STRAP: variants seen among roughly 807,000 people sequenced by gnomAD.
STRAP encodes serine-threonine kinase receptor-associated protein.
STRAP carries 16 observed loss-of-function variants against 47.0 expected under a neutral mutation model. The observed-to-expected ratio is 0.34, with a 90% CI of 0.23 to 0.52. The LOEUF is 0.52. Among genes scored for constraint, STRAP ranks in the 20% least tolerant of loss-of-function variants. The pLI is 0.96. For synonymous variants in STRAP, 130 were observed against 142.7 expected, an observed-to-expected ratio of 0.91 and a Z score of 0.63; for missense variants, 293 against 420.0, an observed-to-expected ratio of 0.70 and a Z score of 2.64.
At chr12:15,901,112 G>A in intron 9 of STRAP, 100 bp downstream of exon 9, 1 of 816,256 alleles carries the variant, frequency 1.2e-6, no homozygotes, top group Non-Finnish European at 1.8e-6. Context: ...TATTAAATAT[G>A]AACATATTTA....
chr12:15,897,713 A>ATT lies in STRAP; in HGVS notation c.639-151_639-150dup, dbSNP rs367620027. ...TCCACTTGGGCATAGTATCCATTTG[A>ATT]TTTTTTTTTTTTTTTTTTTGCTAAC... On this transcript the variant is annotated intron_variant, in intron 6 of 9. Transcript: ENST00000419869. Among the ~76,000 whole-genome samples, 83 of 118,674 alleles carry ATT rather than the reference A, an allele frequency of 7.0e-4. 2 individuals are homozygous for ATT. The highest frequency in any genetic ancestry group is 2.4e-3 in the African/African-American group (80 of 32,904). The allele number at this position is 118,674 out of a possible 152,430, so 77.9% of individuals were successfully genotyped here.
Position 15,882,809 on chromosome 12 carries a change from C to T in STRAP, c.102C>T (p.Ser34=). 3 of 1,613,062 alleles carry T rather than the reference C, an allele frequency of 1.9e-6. No individual in the cohort carries two copies. Among genetic ancestry groups the T allele is most frequent in the Non-Finnish European group, 2.5e-6 (3 of 1,179,632 alleles). ...CGCCTTATGGGTATTTCTTAATCAGCGCTTGCAAAGGTGAGCAAGGCCGCA... is the reference window on the plus strand; with the variant it reads ...CGCCTTATGGGTATTTCTTAATCAGTGCTTGCAAAGGTGAGCAAGGCCGCA... The part of the protein sequence containing the change: ...GITPYGYFLI[S]ACKDGKPMLR... The change falls in exon 1 of 10, where the codon AGC becomes AGT. Residue 34 remains serine, a synonymous_variant. Coordinates refer to ENST00000419869, the MANE Select transcript of STRAP (RefSeq NM_007178.4).
In STRAP at chr12:15,882,616, G is replaced by A. The variant is rs1470636243; in HGVS notation, c.-92G>A. 1 of 1,077,416 alleles carries A rather than the reference G, an allele frequency of 9.3e-7. No individual in the cohort carries two copies. Among genetic ancestry groups the A allele is most frequent in the Non-Finnish European group, 1.4e-6 (1 of 731,592 alleles). The allele number at this position is 1,077,416 out of a possible 1,614,324, so 66.7% of individuals were successfully genotyped here. A position where few individuals can be genotyped will look rare whatever the true frequency, so the allele number is the denominator to read the frequency against. The stretch of plus-strand genomic sequence containing the variant: ...AGCCCAGCCCTAGTGTCAGGGCGGG[G>A]GCCTGGAGCAGCCCGAGGCACTGCA... On this transcript the variant is annotated 5_prime_UTR_variant, in exon 1 of 10. Coordinates refer to ENST00000419869, the MANE Select transcript of STRAP (RefSeq NM_007178.4).
chr12:15,900,244 T>A (rs77067755), intron 8 of STRAP, among the ~76,000 whole-genome samples, 191 bp downstream of exon 8: 2 of 152,088 alleles, frequency 1.3e-5, no homozygotes, highest in East Asian at 1.9e-4. Flanking sequence ...AAATTTTTTT[T>A]GGTATGGCTG....
chr12:15,884,660 A>G lies in STRAP; in HGVS notation c.248+984A>G, dbSNP rs562447310. On this transcript the variant is annotated intron_variant, in intron 2 of 9. Coordinates refer to ENST00000419869, the MANE Select transcript of STRAP (RefSeq NM_007178.4). ...CTTGGCCTCCATGCCTCAGCCTCTC[A>G]AAGAGCTGGGGTTACGGGGGTGAAC... 9.1e-4 allele frequency among the ~76,000 whole-genome samples: 138 copies of G among 152,232 alleles called. 2 individuals carry two copies. Among genetic ancestry groups the G allele is most frequent in the Non-Finnish European group, 1.6e-3 (111 of 68,018 alleles).
At chr12:15,901,805 G>A (rs1948105062) in intron 9 of STRAP, among the ~76,000 whole-genome samples, 1 of 148,086 alleles carries the variant, frequency 6.8e-6, no homozygotes, top group Non-Finnish European at 1.5e-5. Context: ...AGGTTGCAGC[G>A]AGCCGAGATT....
rs1591991443 is a variant in STRAP, at chr12:15,903,161, T to C, written c.*183T>C. On this transcript the variant is annotated 3_prime_UTR_variant, in exon 10 of 10. Transcript: ENST00000419869. ...TGTTACCTGTAAGTGAAAACTCAAG[T>C]GTCAGATGAAGGGAGGTGGAGTTAT... is the stretch of plus-strand genomic sequence containing the variant. 1.9e-6 allele frequency: 1 copy of C among 535,962 alleles called. No individual in the cohort carries two copies. Among genetic ancestry groups the C allele is most frequent in the African/African-American group, 2.0e-5 (1 of 51,232 alleles). The allele number at this position is 535,962 out of a possible 1,614,324, so 33.2% of individuals were successfully genotyped here.
At chr12:15,893,288 A>G (rs1251452222) in intron 4 of STRAP, among the ~76,000 whole-genome samples, 2 of 151,756 alleles carry the variant, frequency 1.3e-5, no homozygotes, top group East Asian at 1.9e-4. Flanking sequence ...TTTACTATCA[A>G]TAGCTGCTTG....
intron 4 of STRAP, among the ~76,000 whole-genome samples, chr12:15,891,166 T>C (rs922441627): frequency 2.0e-5 from 3 of 152,122 alleles, no homozygotes; most frequent in African/African-American, 7.2e-5. Context: ...AAAAAATAAG[T>C]TTATTTGCTA....
rs374999740 is a variant in STRAP, at chr12:15,882,950, G to A, written c.112+131G>A. 281 of 1,335,140 alleles carry A rather than the reference G, an allele frequency of 2.1e-4. No homozygotes were observed. The East Asian group carries it at 5.5e-3, about 26-fold the overall frequency. The allele number at this position is 1,335,140 out of a possible 1,614,324, so 82.7% of individuals were successfully genotyped here. ...GGCGATATTAACATCTGAGATGAGA[G>A]CCAACACTGGTCCGGTGGAGAAAGG... On this transcript the variant is annotated intron_variant, in intron 1 of 9. Transcript: ENST00000419869.
Position 15,899,993 on chromosome 12 carries a change from T to C in STRAP, c.865T>C (p.Leu289=), listed in dbSNP as rs1172436165. ...TGCCAGTGGTTCAGAAGATGGAACA[T>C]TGAGACTATGGCAAACTGTGGTAGG... ...LYASGSEDGT[L]RLWQTVVGKT... Residue 289 remains leucine, a synonymous_variant, in exon 8 of 10, where the codon TTG becomes CTG. Coordinates refer to ENST00000419869, the MANE Select transcript of STRAP (RefSeq NM_007178.4). The C allele has an allele frequency of 6.2e-7, 1 of 1,613,796 alleles. No homozygotes were observed. The highest frequency in any genetic ancestry group is 1.3e-5 in the African/African-American group (1 of 74,928).
At chr12:15,892,688 C>T (rs1216029560) in intron 4 of STRAP, among the ~76,000 whole-genome samples, 1 of 152,088 alleles carries the variant, frequency 6.6e-6, no homozygotes, top group Non-Finnish European at 1.5e-5. Flanking sequence ...GGAAACAAAG[C>T]GCATTTGCAG....
At chr12:15,895,331 ACAT>A (rs753003473) in intron 5 of STRAP, 25 bp from the exon 6 acceptor site, 19 of 1,486,336 alleles carry the variant, frequency 1.3e-5, no homozygotes, top group East Asian at 2.5e-5. Context: ...ACATGAGTAA[ACAT>A]CATATTTTTA....
rs186218004 is a variant in STRAP, at chr12:15,885,380, G to A, written c.248+1704G>A. Reference sequence around the variant, plus strand: ...ATTTTTGTATATTTAGTAGAGACGGGGTTTCGCCATGTTGGCCAGGCCGGT... The same window carrying A: ...ATTTTTGTATATTTAGTAGAGACGGAGTTTCGCCATGTTGGCCAGGCCGGT... On this transcript the variant is annotated intron_variant, in intron 2 of 9. Coordinates refer to ENST00000419869, the MANE Select transcript of STRAP (RefSeq NM_007178.4). Among the ~76,000 whole-genome samples, 206 of 151,788 alleles carry A rather than the reference G, an allele frequency of 1.4e-3. 2 individuals carry two copies. The highest frequency in any genetic ancestry group is 2.1e-3 in the Non-Finnish European group (141 of 67,934).
chr12:15,901,868 A>G (rs1948106069), intron 9 of STRAP, among the ~76,000 whole-genome samples: 1 of 151,900 alleles, frequency 6.6e-6, no homozygotes, highest in South Asian at 2.1e-4. Context: ...CTCAAAAAAA[A>G]AAAAAAAAAA....
chr12:15,887,587 C>T lies in STRAP; in HGVS notation c.249-2341C>T, dbSNP rs932087747. On this transcript the variant is annotated intron_variant, in intron 2 of 9. Coordinates refer to ENST00000419869, the MANE Select transcript of STRAP (RefSeq NM_007178.4). This position sits in a 1 kb window ranked among gnomAD's most constrained non-coding sequence, Gnocchi z 5.5. ...TGCCCTGTCAGAAAATGTCATGCCT[C>T]TATTTTAGTACTGTTTCTAAATAGG... is the stretch of plus-strand genomic sequence containing the variant. 6.6e-5 allele frequency among the ~76,000 whole-genome samples: 10 copies of T among 152,192 alleles called. No individual in the cohort carries two copies. The East Asian group carries it at 1.9e-3, about 29-fold the overall frequency.
intron 2 of STRAP, among the ~76,000 whole-genome samples, chr12:15,885,582 G>A (rs11056691): frequency 2.0e-5 from 3 of 147,738 alleles, no homozygotes; most frequent in Non-Finnish European, 4.4e-5. Flanking sequence ...ACCAATTTTA[G>A]AATGAAAAAA....
chr12:15,895,373 C>T lies in STRAP; in HGVS notation c.515C>T (p.Ala172Val), dbSNP rs779238193. The change falls in exon 6 of 10, where the codon GCT (alanine) becomes GTT (valine). Residue 172 changes from alanine to valine, a missense_variant. Around this residue, in one of 5 missense-constraint regions of STRAP, gnomAD observed 152 missense variants for 183.0 expected, o/e 0.83. Transcript: ENST00000419869. ...TTATTTTGCAGACTTTGGGATCATG[C>T]TACTATGACAGAAGTGAAATCTCTA... ...DDKTVRLWDHATMTEVKSLNF... is the reference protein window; with the variant it reads ...DDKTVRLWDHVTMTEVKSLNF... 6.3e-7 allele frequency: 1 copy of T among 1,581,100 alleles called. No homozygotes were observed. Among genetic ancestry groups the T allele is most frequent in the Non-Finnish European group, 8.5e-7 (1 of 1,169,756 alleles).
intron 7 of STRAP, chr12:15,898,255 A>C (rs1948076224): frequency 3.9e-6 from 1 of 253,204 alleles, no homozygotes; most frequent in Admixed American, 5.8e-5. Context: ...ACTAAAGTTC[A>C]TCATTATGCT....
Sources: gnomAD v4.1 joint callset for allele counts (sites outside exome capture counted in the v4.1 genomes callset) on GRCh38, gnomAD v4.1.1 for gene constraint, gnomAD v4.1.1 regional missense constraint, Gnocchi (gnomAD v3.1) non-coding constraint, MANE v1.5 for transcripts, NCBI Gene and HGNC (gene_info 2026-07-23, HGNC 2026-07-21) for gene names.